ELOVL5: variants seen among roughly 807,000 people sequenced by gnomAD.
ELOVL5 encodes ELOVL fatty acid elongase 5, also known as very long chain fatty acid elongase 5.
In ELOVL5, 8 loss-of-function variants were observed where a neutral mutation model predicts 38.6. The observed-to-expected ratio is 0.21, with a 90% confidence interval of 0.12 to 0.37. The LOEUF (loss-of-function observed/expected upper bound fraction) is 0.37, where lower values mean the gene tolerates loss of function less well. Ranked by LOEUF, ELOVL5 falls within the 10% of genes least tolerant of loss-of-function variation. The probability of loss-of-function intolerance (pLI) is 1.00; values close to 1 mark genes in which losing one functional copy is unlikely to be tolerated. For synonymous variants in ELOVL5, 127 were observed against 133.7 expected, an observed-to-expected ratio of 0.95 and a Z score of 0.34; for missense variants, 280 against 367.8, an observed-to-expected ratio of 0.76 and a Z score of 1.95.
At chr6:53,273,376 T>C (rs1765995247) in intron 5 of ELOVL5, 32 bp from the exon 6 acceptor site, 3 of 1,607,058 alleles carry the variant, frequency 1.9e-6, no homozygotes, top group East Asian at 2.2e-5. Flanking sequence ...GGAAGGAGAA[T>C]GTATTAGTGT....
At chr6:53,314,181 C>T (rs764676545) in intron 1 of ELOVL5, among the ~76,000 whole-genome samples, 8 of 152,190 alleles carry the variant, frequency 5.3e-5, no homozygotes, top group Non-Finnish European at 1.0e-4. Context: ...AGGATTTTAG[C>T]AAGTCATGTT....
intron 1 of ELOVL5, among the ~76,000 whole-genome samples, chr6:53,330,616 AC>A: frequency 7.1e-6 from 1 of 139,948 alleles, no homozygotes; most frequent in Admixed American, 8.0e-5. Flanking sequence ...CGAACTCCTG[AC>A]CTCAAGTGAT....
chr6:53,323,576 C>CAAT, intron 1 of ELOVL5, among the ~76,000 whole-genome samples: 1 of 81,544 alleles, frequency 1.2e-5, no homozygotes, highest in Non-Finnish European at 2.2e-5. Context: ...TACTAGCCAG[C>CAAT]TTTTTTTTTT....
intron 1 of ELOVL5, among the ~76,000 whole-genome samples, chr6:53,323,295 T>C (rs1430087189): frequency 1.3e-5 from 2 of 152,178 alleles, no homozygotes; most frequent in African/African-American, 4.8e-5. Flanking sequence ...GACAATGGTG[T>C]AAAATATAGA....
intron 1 of ELOVL5, among the ~76,000 whole-genome samples, chr6:53,343,812 T>C (rs1261523101): frequency 6.6e-6 from 1 of 152,224 alleles, no homozygotes; most frequent in African/African-American, 2.4e-5. Context: ...TGTACTTTAC[T>C]ATAAACCTGT....
At chr6:53,300,804 T>C (rs1452706506) in intron 1 of ELOVL5, among the ~76,000 whole-genome samples, 2 of 152,198 alleles carry the variant, frequency 1.3e-5, no homozygotes, top group Admixed American at 6.5e-5. Context: ...TTGAGACCTT[T>C]CAGAGAGCTT....
At chr6:53,324,810 A>T (rs1330467532) in intron 1 of ELOVL5, among the ~76,000 whole-genome samples, 2 of 152,184 alleles carry the variant, frequency 1.3e-5, no homozygotes, top group Non-Finnish European at 2.9e-5. Context: ...TACCAAAAAA[A>T]AATCAGAATT....
At chr6:53,311,888 CTTAAAAA>C (rs1403110671) in intron 1 of ELOVL5, among the ~76,000 whole-genome samples, 2 of 152,034 alleles carry the variant, frequency 1.3e-5, no homozygotes, top group African/African-American at 4.8e-5. Context: ...ATTAGATATA[CTTAAAAA>C]TTAAAAATAA....
chr6:53,338,176 T>C (rs1257198633), intron 1 of ELOVL5, among the ~76,000 whole-genome samples: 1 of 152,218 alleles, frequency 6.6e-6, no homozygotes, highest in Non-Finnish European at 1.5e-5. Flanking sequence ...GACAGTACTT[T>C]GCAACTGTTT....
At chr6:53,274,267 AC>A (rs1766028821) in intron 5 of ELOVL5, among the ~76,000 whole-genome samples, 1 of 151,766 alleles carries the variant, frequency 6.6e-6, no homozygotes, top group Admixed American at 6.6e-5. Context: ...CCCCAACTCT[AC>A]CCACCTTTCT....
At chr6:53,270,829 C>T in intron 6 of ELOVL5, 102 bp from the exon 7 acceptor site, 1 of 1,337,180 alleles carries the variant, frequency 7.5e-7, no homozygotes, top group African/African-American at 1.4e-5. Context: ...TCTGAATTAA[C>T]ACTTACTACC....
chr6:53,318,555 G>A, intron 1 of ELOVL5, among the ~76,000 whole-genome samples: 1 of 152,244 alleles, frequency 6.6e-6, no homozygotes, highest in Non-Finnish European at 1.5e-5. Context: ...GCAAAACGGT[G>A]AGACCCCGCC....
intron 1 of ELOVL5, among the ~76,000 whole-genome samples, chr6:53,319,311 A>AAAAAAGAAAGAAAG (rs1768201318): frequency 7.3e-6 from 1 of 137,214 alleles, no homozygotes; most frequent in Non-Finnish European, 1.5e-5. Flanking sequence ...AAAAAAAAAA[A>AAAAAAGAAAGAAAG]AAAAAGAAAG....
intron 1 of ELOVL5, among the ~76,000 whole-genome samples, chr6:53,345,024 C>A (rs973301399): frequency 1.3e-5 from 2 of 152,218 alleles, no homozygotes; most frequent in African/African-American, 4.8e-5. Context: ...GGTGAAGCAG[C>A]TAGCTGAGGA....
intron 2 of ELOVL5, 92 bp downstream of exon 2, chr6:53,295,550 C>T: frequency 2.3e-6 from 2 of 856,066 alleles, no homozygotes; most frequent in Non-Finnish European, 3.6e-6. Context: ...AAAATGCTAA[C>T]ATTTTCTACT....
At chr6:53,294,489 T>C in intron 2 of ELOVL5, 1 of 1,546,836 alleles carries the variant, frequency 6.5e-7, no homozygotes, top group Non-Finnish European at 8.7e-7. Context: ...GAGCTGCTGA[T>C]ACCTGGAAGT....
At chr6:53,290,868 C>G (rs924343059) in intron 3 of ELOVL5, among the ~76,000 whole-genome samples, 3 of 152,136 alleles carry the variant, frequency 2.0e-5, no homozygotes, top group Non-Finnish European at 2.9e-5. Flanking sequence ...CCCACCTCTA[C>G]CTTCTTCTTT....
rs191312774 is a variant in ELOVL5 at position 53,284,130 on chromosome 6, A to T, written c.246+7646T>A. On this transcript the variant is annotated intron_variant, in intron 3 of 7. Transcript: ENST00000304434. ...AGACCAGCTTGGGCAACAAAGTGAG[A>T]CTCCATCTCTACAAAAAATAAAAAT... is the stretch of plus-strand genomic sequence containing the variant. Among the ~76,000 whole-genome samples the T allele has an allele frequency of 1.7e-3, 258 of 151,886 alleles. 2 individuals carry two copies. The highest frequency in any genetic ancestry group is 6.0e-3 in the African/African-American group (248 of 41,326).
At chr6:53,294,243 A>G in intron 2 of ELOVL5, 4 of 1,527,054 alleles carry the variant, frequency 2.6e-6, no homozygotes, top group Non-Finnish European at 3.5e-6. Context: ...CTTAGGATCT[A>G]GTCAATCTGT....
Sources: gnomAD v4.1 joint callset for allele counts (sites outside exome capture counted in the v4.1 genomes callset) on GRCh38, gnomAD v4.1.1 for gene constraint, MANE v1.5 for transcripts, NCBI Gene and HGNC (gene_info 2026-07-23, HGNC 2026-07-21) for gene names.